The following PSD3 variants were observed in gnomAD, a reference collection of about 807,000 sequenced individuals.
PSD3 encodes the protein PH and SEC7 domain-containing protein 3.
In PSD3, 49 loss-of-function variants were observed where a neutral mutation model predicts 105.5. That is an observed-to-expected ratio of 0.46 (90% CI 0.37 to 0.59). PSD3 has a LOEUF of 0.59. Among genes scored for constraint, PSD3 ranks in the 20% least tolerant of loss-of-function variants. PSD3 has a pLI of 0.00. For synonymous variants in PSD3, 557 were observed against 457.8 expected, an observed-to-expected ratio of 1.22 and a Z score of -2.77; for missense variants, 1,561 against 1,263.8, an observed-to-expected ratio of 1.24 and a Z score of -3.57.
intron 1 of PSD3, among the ~76,000 whole-genome samples, chr8:19,079,743 A>C (rs997517559): frequency 1.3e-5 from 2 of 151,960 alleles, no homozygotes; most frequent in Non-Finnish European, 2.9e-5. Context: ...GAAAGCACTG[A>C]CTCTTTCATA....
intron 8 of PSD3, among the ~76,000 whole-genome samples, chr8:18,766,399 C>T (rs1330537703): frequency 6.6e-6 from 1 of 152,146 alleles, no homozygotes; most frequent in African/African-American, 2.4e-5. Context: ...GCACTAAAAA[C>T]ATGGTTTATT....
chr8:19,068,231 A>G (rs1829140710), intron 1 of PSD3, among the ~76,000 whole-genome samples: 2 of 132,644 alleles, frequency 1.5e-5, no homozygotes, highest in Non-Finnish European at 1.8e-5. Context: ...GCTAAGGCTG[A>G]GGATTTTAAA....
chr8:18,691,363 G>C (rs769285175), intron 9 of PSD3, among the ~76,000 whole-genome samples: 7 of 152,174 alleles, frequency 4.6e-5, no homozygotes, highest in Non-Finnish European at 8.8e-5. Flanking sequence ...GCCTCTGTGT[G>C]TTCACACACT....
chr8:18,701,550 A>C (rs9650595), intron 9 of PSD3, among the ~76,000 whole-genome samples: 1 of 152,038 alleles, frequency 6.6e-6, no homozygotes, highest in Non-Finnish European at 1.5e-5. Context: ...ATTGCAGTCC[A>C]GTTAAACCAA....
At chr8:19,029,005 C>A (rs1179062017) in intron 1 of PSD3, among the ~76,000 whole-genome samples, 2 of 152,166 alleles carry the variant, frequency 1.3e-5, no homozygotes, top group African/African-American at 4.8e-5. Context: ...TGAACTCTCT[C>A]TTCCATTTCA....
At chr8:18,792,076 C>A (rs529200791) in intron 8 of PSD3, among the ~76,000 whole-genome samples, 1 of 151,894 alleles carries the variant, frequency 6.6e-6, no homozygotes, top group Admixed American at 6.6e-5. Flanking sequence ...CAGATGATGG[C>A]GAGGTTGTGA....
chr8:18,834,836 C>G lies in PSD3; in HGVS notation c.1635-29938G>C, dbSNP rs566251897. Among the ~76,000 whole-genome samples, 22 of 152,192 alleles carry G rather than the reference C, an allele frequency of 1.4e-4. No homozygotes were observed. In the South Asian group the frequency reaches 1.7e-3, roughly 11 times the overall value. On this transcript the variant is annotated intron_variant, in intron 4 of 15. Coordinates refer to ENST00000327040, the MANE Select transcript of PSD3 (RefSeq NM_015310.4). ...TTGCATCCTGTTCTTGGATATAAACCCAACGCCTGTGACATCCATCCAATA... is the reference window on the plus strand; with the variant it reads ...TTGCATCCTGTTCTTGGATATAAACGCAACGCCTGTGACATCCATCCAATA...
At chr8:18,702,904 G>A (rs764037882) in intron 9 of PSD3, among the ~76,000 whole-genome samples, 52 of 152,086 alleles carry the variant, frequency 3.4e-4, no homozygotes, top group Non-Finnish European at 7.1e-4. Flanking sequence ...GAGCCACCGC[G>A]CTTGGACAGC....
chr8:18,839,515 C>T (rs117945502), intron 4 of PSD3, among the ~76,000 whole-genome samples: 5,824 of 152,220 alleles, frequency 0.038, 117 homozygotes, highest in Admixed American at 0.069. Context: ...AGTCTGTTTG[C>T]TGCAGCAAAG....
At chr8:18,711,088 T>C (rs1489815384) in intron 9 of PSD3, among the ~76,000 whole-genome samples, 1 of 152,160 alleles carries the variant, frequency 6.6e-6, no homozygotes, top group Non-Finnish European at 1.5e-5. Flanking sequence ...AAGCAAATGA[T>C]GACAGAATTC....
intron 9 of PSD3, among the ~76,000 whole-genome samples, chr8:18,693,591 G>A (rs991158795): frequency 6.6e-6 from 1 of 152,134 alleles, no homozygotes; most frequent in Admixed American, 6.5e-5. Flanking sequence ...TGTGACCTAA[G>A]CCCGGCCATA....
At chr8:19,056,954 T>C (rs1245790315) in intron 1 of PSD3, among the ~76,000 whole-genome samples, 1 of 152,120 alleles carries the variant, frequency 6.6e-6, no homozygotes, top group East Asian at 1.9e-4. Context: ...ATTAAGAAAA[T>C]AGAAGCTGTC....
At chr8:18,757,190 C>T (rs1200092899) in intron 9 of PSD3, among the ~76,000 whole-genome samples, 24 of 150,446 alleles carry the variant, frequency 1.6e-4, no homozygotes, top group Middle Eastern at 3.4e-3. Context: ...CGGTGGCTCA[C>T]GCCTGGAATC....
chr8:18,733,199 G>C (rs1228536243), intron 9 of PSD3: 1 of 152,136 alleles, frequency 6.6e-6, no homozygotes, highest in Non-Finnish European at 1.5e-5. Flanking sequence ...CAAGGATTTG[G>C]TACCAGGTAA....
At chr8:18,849,383 A>C (rs1815386184) in intron 4 of PSD3, 1 of 152,248 alleles carries the variant, frequency 6.6e-6, no homozygotes, top group African/African-American at 2.4e-5. Context: ...TGCACTATGC[A>C]TCAGACACCT....
At chr8:19,001,592 CTT>C (rs1826402214) in intron 1 of PSD3, 1 of 151,954 alleles carries the variant, frequency 6.6e-6, no homozygotes, top group African/African-American at 2.4e-5. Context: ...AAATTCTCTG[CTT>C]TGACTGACTG....
chr8:18,844,463 A>T (rs1391762102), intron 4 of PSD3, among the ~76,000 whole-genome samples: 1 of 152,200 alleles, frequency 6.6e-6, no homozygotes, highest in African/African-American at 2.4e-5. Context: ...GAAACAACTT[A>T]AAGTAGACTT....
At chr8:18,721,630 G>C (rs1802979381) in intron 9 of PSD3, among the ~76,000 whole-genome samples, 1 of 152,306 alleles carries the variant, frequency 6.6e-6, no homozygotes, top group East Asian at 1.9e-4. Context: ...AGATGGGCCT[G>C]GGTCTTTGGA....
chr8:18,696,760 T>G (rs1234682663), intron 9 of PSD3, among the ~76,000 whole-genome samples: 1 of 152,222 alleles, frequency 6.6e-6, no homozygotes, highest in Admixed American at 6.5e-5. Flanking sequence ...GGAGCAGTAG[T>G]GTGCCTCAAA....
Sources: allele counts gnomAD v4.1 joint callset (sites outside exome capture counted in the v4.1 genomes callset), GRCh38; gene constraint gnomAD v4.1.1; transcripts MANE v1.5; gene names NCBI Gene and HGNC (gene_info 2026-07-23, HGNC 2026-07-21).